The following BTD variants were observed in gnomAD, a reference collection of about 807,000 sequenced individuals.
BTD encodes biocytinase.
A neutral mutation model predicts 17.7 loss-of-function variants in BTD; 13 were observed. The ratio of observed to expected loss-of-function variants is 0.74; its 90% CI spans 0.48 to 1.17. The LOEUF (loss-of-function observed/expected upper bound fraction) is 1.17. Among genes scored for constraint, BTD ranks in the 50% most tolerant of loss-of-function variants. The probability of loss-of-function intolerance (pLI) is 0.00; values close to 1 mark genes in which losing one functional copy is unlikely to be tolerated. For missense variants in BTD, 674 were observed against 650.4 expected, an observed-to-expected ratio of 1.04 and a Z score of -0.39; for synonymous variants, 240 against 245.2, an observed-to-expected ratio of 0.98 and a Z score of 0.20.
intron 1 of BTD, chr3:15,631,530 G>A: frequency 7.5e-6 from 11 of 1,469,972 alleles, no homozygotes; most frequent in Non-Finnish European, 1.0e-5. Flanking sequence ...AAAATATCTA[G>A]TGATTGACAT....
chr3:15,678,895 C>A (rs2067233114), intron 3 of BTD, among the ~76,000 whole-genome samples: 1 of 152,048 alleles, frequency 6.6e-6, no homozygotes, highest in Non-Finnish European at 1.5e-5. Flanking sequence ...ATATAAAAAT[C>A]AACTTTTAAT....
intron 1 of BTD, among the ~76,000 whole-genome samples, chr3:15,603,089 T>A (rs1259741917): frequency 6.6e-6 from 1 of 152,076 alleles, no homozygotes; most frequent in Non-Finnish European, 1.5e-5. Flanking sequence ...AAAAATCCCC[T>A]CCCCATGATT....
chr3:15,612,144 T>G (rs1671756260), intron 1 of BTD, among the ~76,000 whole-genome samples: 1 of 152,208 alleles, frequency 6.6e-6, no homozygotes, highest in South Asian at 2.1e-4. Flanking sequence ...GTTTTACAAT[T>G]TCTACATTGC....
In BTD at chr3:15,677,059, A is replaced by G. The variant is rs1160834795; in HGVS notation, c.400-33001A>G. Reference sequence around the variant, plus strand: ...AACAAGGCACTAGTTTCATGACCCTATAATTGTGGCAGATAAGTTATAAAA... The same window carrying G: ...AACAAGGCACTAGTTTCATGACCCTGTAATTGTGGCAGATAAGTTATAAAA... On this transcript the variant is annotated intron_variant, in intron 3 of 3. Coordinates refer to the BTD transcript ENST00000672141. 6 of 1,612,004 alleles carry G rather than the reference A, an allele frequency of 3.7e-6. No homozygotes were observed. In the Admixed American group the frequency reaches 5.0e-5, roughly 13 times the overall value.
chr3:15,648,274 T>C lies in BTD; in HGVS notation c.*2786T>C, dbSNP rs201664607. Among the ~76,000 whole-genome samples, 1 of 151,670 alleles carries C rather than the reference T, an allele frequency of 6.6e-6. No homozygotes were observed. Among genetic ancestry groups the C allele is most frequent in the Non-Finnish European group, 1.5e-5 (1 of 67,902 alleles). On this transcript the variant is annotated 3_prime_UTR_variant, in exon 4 of 4. Coordinates refer to ENST00000643237, the MANE Select transcript of BTD (RefSeq NM_001370658.1). ...CAAAGTGGATTTATATAGGACAAAA[T>C]AGGCATAAAAGTATGAAATGTTTTG...
intron 3 of BTD, among the ~76,000 whole-genome samples, chr3:15,672,495 G>C (rs983179137): frequency 2.6e-5 from 4 of 152,194 alleles, no homozygotes; most frequent in Non-Finnish European, 4.4e-5. Flanking sequence ...AAGGGTCAAA[G>C]AGAACAACTG....
chr3:15,656,455 G>A (rs148313822), downstream of BTD, among the ~76,000 whole-genome samples: 222 of 152,308 alleles, frequency 1.5e-3, 2 homozygotes, highest in African/African-American at 5.1e-3. Flanking sequence ...GAGGGACACA[G>A]AGGTAGGGAT....
At chr3:15,656,378 A>G (rs1346269905), downstream of BTD, among the ~76,000 whole-genome samples, 1 of 152,140 alleles carries the variant, frequency 6.6e-6, no homozygotes, top group African/African-American at 2.4e-5. Context: ...CTCCATATTT[A>G]GAAAAATATT....
intron 3 of BTD, among the ~76,000 whole-genome samples, chr3:15,695,525 C>T (rs148729155): frequency 1.8e-4 from 27 of 152,066 alleles, no homozygotes; most frequent in Non-Finnish European, 3.1e-4. Flanking sequence ...ATTTTATTTC[C>T]CCTTGAAGGG....
chr3:15,629,752 A>C (rs972491329), intron 1 of BTD, among the ~76,000 whole-genome samples: 3 of 152,104 alleles, frequency 2.0e-5, no homozygotes, highest in African/African-American at 7.2e-5. Flanking sequence ...AAGCTTGACC[A>C]CTAAATTGCC....
At chr3:15,722,461 T>C (rs995601229), downstream of BTD, among the ~76,000 whole-genome samples, 16 of 152,240 alleles carry the variant, frequency 1.1e-4, no homozygotes, top group African/African-American at 3.9e-4. Context: ...TCTCTTCCTT[T>C]GGCTGATCTC....
intron 1 of BTD, among the ~76,000 whole-genome samples, chr3:15,621,592 T>C (rs2064951930): frequency 6.6e-6 from 1 of 151,936 alleles, no homozygotes; most frequent in South Asian, 2.1e-4. Context: ...AGAAATTGGT[T>C]ATCATTTTCT....
chr3:15,670,555 G>A, intron 3 of BTD: 1 of 1,606,984 alleles, frequency 6.2e-7, no homozygotes, highest in East Asian at 2.2e-5. Flanking sequence ...CTGGGGTATA[G>A]CCTAGAATTA....
chr3:15,705,759 TG>T (rs1208544518), intron 3 of BTD, among the ~76,000 whole-genome samples: 1 of 152,230 alleles, frequency 6.6e-6, no homozygotes, highest in African/African-American at 2.4e-5. Flanking sequence ...CCCAGCATTT[TG>T]GAAGGCCAAG....
At chr3:15,703,438 A>T (rs890417452) in intron 3 of BTD, among the ~76,000 whole-genome samples, 3 of 152,192 alleles carry the variant, frequency 2.0e-5, no homozygotes, top group African/African-American at 4.8e-5. Context: ...TTAGGTCAAG[A>T]GGGCAGAGCC....
At chr3:15,678,122 T>G (rs1022893692) in intron 3 of BTD, 1 of 1,294,674 alleles carries the variant, frequency 7.7e-7, no homozygotes, top group Non-Finnish European at 1.0e-6. Flanking sequence ...GTAAGATAAC[T>G]AGTTGAAGTC....
At chr3:15,700,892 C>T (rs2070486177) in intron 3 of BTD, among the ~76,000 whole-genome samples, 1 of 152,176 alleles carries the variant, frequency 6.6e-6, no homozygotes, top group South Asian at 2.1e-4. Flanking sequence ...GAAATAGCCT[C>T]TGTTTATTCA....
chr3:15,715,811 G>A (rs2072938266), downstream of BTD, among the ~76,000 whole-genome samples: 1 of 151,888 alleles, frequency 6.6e-6, no homozygotes, highest in Non-Finnish European at 1.5e-5. Context: ...TAACACATCA[G>A]TGCTTCTCAG....
rs199960929 is a variant in BTD at position 15,680,654 on chromosome 3, TA to T, written c.400-29405del. 4.4e-3 allele frequency among the ~76,000 whole-genome samples: 666 copies of T among 152,286 alleles called. 8 individuals carry two copies. Among genetic ancestry groups the T allele is most frequent in the East Asian group, 0.023 (121 of 5,182 alleles). On this transcript the variant is annotated intron_variant, in intron 3 of 3. Coordinates refer to the BTD transcript ENST00000672141. ...ACAACGCTGTAATGAAACATTCTGG[TA>T]TTTTTTTATTTTATTAAAACAATTT... is the stretch of plus-strand genomic sequence containing the variant.
Sources: allele counts gnomAD v4.1 joint callset (sites outside exome capture counted in the v4.1 genomes callset), GRCh38; gene constraint gnomAD v4.1.1; transcripts MANE v1.5; gene names NCBI Gene and HGNC (gene_info 2026-07-23, HGNC 2026-07-21).